Variants in VAT1L observed in about 807,000 individuals in gnomAD.
The protein encoded by VAT1L is putative NADPH-dependent quinone oxidoreductase VAT1L.
VAT1L carries 34 observed loss-of-function variants against 44.1 expected under a neutral mutation model. The observed-to-expected ratio is 0.77, with a 90% CI of 0.59 to 1.03. VAT1L has a LOEUF of 1.03. Among genes scored for constraint, VAT1L ranks in the 50% least tolerant of loss-of-function variants. The pLI is 0.00. For synonymous variants in VAT1L, 253 were observed against 202.2 expected (o/e 1.25, Z -2.13); for missense variants, 615 against 538.8 (o/e 1.14, Z -1.40).
chr16:77,804,857 A>G (rs1028470637), intron 1 of VAT1L, among the ~76,000 whole-genome samples: 2 of 152,174 alleles, frequency 1.3e-5, no homozygotes, highest in African/African-American at 4.8e-5. Flanking sequence ...GTTTCCTCCC[A>G]GCATATGTTA....
intron 3 of VAT1L, among the ~76,000 whole-genome samples, chr16:77,841,499 T>C (rs1470237588): frequency 2.0e-5 from 3 of 152,218 alleles, no homozygotes; most frequent in Non-Finnish European, 4.4e-5. Flanking sequence ...ATTGTCACCC[T>C]CCTAATGGTA....
At position 77,879,142 on chromosome 16, in the gene VAT1L, C is replaced by T. The variant is rs768805616; in HGVS notation, c.827-27C>T. The T allele has an allele frequency of 1.9e-6, 3 of 1,613,048 alleles. No homozygotes were observed. Among genetic ancestry groups the T allele is most frequent in the East Asian group, 2.2e-5 (1 of 44,860 alleles). ...AGATGTCCATTTTCATTAGCAATTG[C>T]TTAATGTGGGAATCTTTCATTTTCA... On this transcript the variant is annotated intron_variant, in intron 5 of 8. Transcript: ENST00000302536. This position sits in a 1 kb window ranked among gnomAD's most constrained non-coding sequence, Gnocchi z 4.1.
chr16:77,905,028 G>A (rs949457264), intron 7 of VAT1L, among the ~76,000 whole-genome samples: 1 of 152,098 alleles, frequency 6.6e-6, no homozygotes, highest in Non-Finnish European at 1.5e-5. Context: ...AGTGTTCCAC[G>A]CTCAACAAGG....
chr16:77,894,745 A>G (rs2017303848), intron 7 of VAT1L, among the ~76,000 whole-genome samples: 1 of 152,230 alleles, frequency 6.6e-6, no homozygotes, highest in South Asian at 2.1e-4. Flanking sequence ...GAGATATCAT[A>G]TATATGCTAA....
At chr16:77,972,614 C>T (rs1377862965) in intron 8 of VAT1L, among the ~76,000 whole-genome samples, 1 of 152,030 alleles carries the variant, frequency 6.6e-6, no homozygotes, top group Non-Finnish European at 1.5e-5. Flanking sequence ...AACCCCGTCT[C>T]TACTAAAAAT....
At chr16:77,949,870 G>A (rs1395551336) in intron 7 of VAT1L, among the ~76,000 whole-genome samples, 1 of 152,218 alleles carries the variant, frequency 6.6e-6, no homozygotes, top group Non-Finnish European at 1.5e-5. Context: ...GGCAATGCTT[G>A]TCCTGCCCTT....
chr16:77,953,049 T>C (rs2018062769), intron 7 of VAT1L, among the ~76,000 whole-genome samples: 2 of 151,818 alleles, frequency 1.3e-5, no homozygotes, highest in Non-Finnish European at 1.5e-5. Context: ...TCCAACATGG[T>C]GTACTTGTAA....
chr16:77,847,160 G>C (rs1266549845), intron 3 of VAT1L, among the ~76,000 whole-genome samples: 1 of 151,984 alleles, frequency 6.6e-6, no homozygotes, highest in African/African-American at 2.4e-5. Context: ...AGTTTTTGCT[G>C]CTCTTGGAGA....
intron 4 of VAT1L, among the ~76,000 whole-genome samples, chr16:77,873,677 T>C (rs905435797): frequency 1.3e-5 from 2 of 152,144 alleles, no homozygotes; most frequent in East Asian, 3.9e-4. Flanking sequence ...GTATCTCCAG[T>C]GTAGACATTA....
At chr16:77,937,427 G>A (rs2017815207) in intron 7 of VAT1L, among the ~76,000 whole-genome samples, 1 of 152,182 alleles carries the variant, frequency 6.6e-6, no homozygotes, top group Non-Finnish European at 1.5e-5. Context: ...CCAAATGTAA[G>A]AATTAAAGAA....
intron 1 of VAT1L, among the ~76,000 whole-genome samples, chr16:77,803,341 A>G (rs1473115234): frequency 1.3e-5 from 2 of 151,866 alleles, no homozygotes; most frequent in Non-Finnish European, 2.9e-5. Flanking sequence ...CATTCCAGAA[A>G]GTTCTATTGG....
chr16:77,797,188 T>A (rs1340199607), intron 1 of VAT1L, among the ~76,000 whole-genome samples: 3 of 151,840 alleles, frequency 2.0e-5, no homozygotes, highest in Non-Finnish European at 2.9e-5. Context: ...CTTGGCTCAC[T>A]GCAACCTGCG....
At chr16:77,810,449 G>C (rs1374529850) in intron 1 of VAT1L, among the ~76,000 whole-genome samples, 2 of 152,112 alleles carry the variant, frequency 1.3e-5, no homozygotes, top group African/African-American at 4.8e-5. Context: ...TGGAGTATAA[G>C]GATTTAAAAA....
chr16:77,815,968 CAAAAAA>C (rs57312031), intron 1 of VAT1L, among the ~76,000 whole-genome samples: 2 of 32,944 alleles, frequency 6.1e-5, no homozygotes, highest in African/African-American at 2.3e-4. Flanking sequence ...AACTCTGTCT[CAAAAAA>C]AAAAAAAAAA....
chr16:77,857,836 CTT>C (rs5818094), intron 3 of VAT1L, among the ~76,000 whole-genome samples: 28 of 143,434 alleles, frequency 2.0e-4, no homozygotes, highest in South Asian at 2.2e-4. Context: ...TTATCTCTCT[CTT>C]TTTTTTTTTT....
At chr16:77,936,284 T>C (rs902430334) in intron 7 of VAT1L, among the ~76,000 whole-genome samples, 1 of 152,172 alleles carries the variant, frequency 6.6e-6, no homozygotes, top group African/African-American at 2.4e-5. Context: ...TTAAACCCTC[T>C]GGGACAATTT....
At chr16:77,839,183 G>C (rs1054763169) in intron 3 of VAT1L, among the ~76,000 whole-genome samples, 10 of 152,090 alleles carry the variant, frequency 6.6e-5, no homozygotes, top group Non-Finnish European at 1.2e-4. Context: ...GTCTGAAGGA[G>C]GGGGAGGGAA....
At chr16:77,808,482 C>G (rs1228906390) in intron 1 of VAT1L, among the ~76,000 whole-genome samples, 2 of 152,228 alleles carry the variant, frequency 1.3e-5, no homozygotes, top group East Asian at 3.9e-4. Context: ...CCCACCCCTG[C>G]TCCATGGAAA....
At chr16:77,882,097 A>G (rs752416369) in intron 6 of VAT1L, 10 of 152,198 alleles carry the variant, frequency 6.6e-5, no homozygotes, top group Admixed American at 1.3e-4. Flanking sequence ...TTTCTTTCAG[A>G]GGCCTGCTCA....
Sources: gnomAD v4.1 joint callset for allele counts (sites outside exome capture counted in the v4.1 genomes callset) on GRCh38, gnomAD v4.1.1 for gene constraint, Gnocchi (gnomAD v3.1) non-coding constraint, MANE v1.5 for transcripts, NCBI Gene and HGNC (gene_info 2026-07-23, HGNC 2026-07-21) for gene names.